DDX19A: variants seen among roughly 807,000 people sequenced by gnomAD.
DDX19A encodes the protein DEAD-box helicase 19A.
In DDX19A, 12 loss-of-function variants were observed where a neutral mutation model predicts 60.6. That is an observed-to-expected ratio of 0.20 (90% CI 0.13 to 0.32). The LOEUF is 0.32. Among genes scored for constraint, DDX19A ranks in the 10% least tolerant of loss-of-function variants. The pLI, the probability that DDX19A is intolerant of heterozygous loss-of-function variation, is 1.00. For synonymous variants in DDX19A, 206 were observed against 218.2 expected (o/e 0.94, Z 0.49); for missense variants, 337 against 600.6 (o/e 0.56, Z 4.59).
chr16:70,365,231 T>C (rs912680010), intron 7 of DDX19A, 100 bp downstream of exon 7: 2 of 756,900 alleles, frequency 2.6e-6, no homozygotes, highest in Non-Finnish European at 4.6e-6. Context: ...TAATTCAGTC[T>C]GACCCTGGAG....
chr16:70,364,272 G>T (rs1425831183), intron 5 of DDX19A: 3 of 372,624 alleles, frequency 8.1e-6, no homozygotes, highest in African/African-American at 2.1e-5. Flanking sequence ...GCCCCTTGGG[G>T]TGCAAAACTG....
chr16:70,348,949 AAG>A (rs1242494661), intron 1 of DDX19A, among the ~76,000 whole-genome samples: 1 of 152,238 alleles, frequency 6.6e-6, no homozygotes, highest in Admixed American at 6.5e-5. Context: ...GTTTCAAAAA[AAG>A]AAAAAAGGGA....
intron 4 of DDX19A, chr16:70,357,007 G>C: frequency 2.2e-6 from 1 of 448,590 alleles, no homozygotes; most frequent in Non-Finnish European, 3.5e-6. Flanking sequence ...CCAGCACTTT[G>C]GGAGGCCAAG....
At chr16:70,350,954 T>A (rs1963994469) in intron 2 of DDX19A, among the ~76,000 whole-genome samples, 1 of 151,566 alleles carries the variant, frequency 6.6e-6, no homozygotes, top group Non-Finnish European at 1.5e-5. Flanking sequence ...CTTGGCTCAC[T>A]GCAAGCTCTG....
rs546594213 is a variant in DDX19A at position 70,372,400 on chromosome 16, A to C, written c.*414A>C. The C allele has an allele frequency of 3.3e-5, 8 of 241,562 alleles. No individual in the cohort carries two copies. In the East Asian group the frequency reaches 7.8e-4, roughly 24 times the overall value. The allele number at this position is 241,562 out of a possible 1,614,324, so 15.0% of individuals were successfully genotyped here. A position where few individuals can be genotyped will look rare whatever the true frequency, so the allele number is the denominator to read the frequency against. On this transcript the variant is annotated 3_prime_UTR_variant, in exon 12 of 12. Coordinates refer to ENST00000302243, the MANE Select transcript of DDX19A (RefSeq NM_018332.5). ...GTGTGAGCCCCACCGCTGTGCATCG[A>C]ATGAGGGAAGTGGCAGCAGAGAGGC...
Position 70,347,006 on chromosome 16 carries a change from G to T in DDX19A, c.15G>T (p.Ser5=). MATD[S]WALAVDEQEA... Reference sequence around the variant, plus strand: ...TGTCCGGGACTATGGCCACCGACTCGTGGGCCCTGGCGGTGGACGAGCAGG... The same window carrying T: ...TGTCCGGGACTATGGCCACCGACTCTTGGGCCCTGGCGGTGGACGAGCAGG... The change falls in exon 1 of 12, where the codon TCG becomes TCT. Residue 5 remains serine, a synonymous_variant. Transcript: ENST00000302243. 11 of 1,612,764 alleles carry T rather than the reference G, an allele frequency of 6.8e-6. No individual in the cohort carries two copies. Among genetic ancestry groups the T allele is most frequent in the Non-Finnish European group, 8.5e-6 (10 of 1,179,808 alleles).
At chr16:70,358,268 C>T (rs1042304277) in intron 4 of DDX19A, among the ~76,000 whole-genome samples, 10 of 151,968 alleles carry the variant, frequency 6.6e-5, no homozygotes, top group Non-Finnish European at 1.3e-4. Flanking sequence ...TGGCCTCAAG[C>T]GATCTGCCCG....
At chr16:70,362,483 C>T (rs989141399) in intron 5 of DDX19A, among the ~76,000 whole-genome samples, 2 of 152,114 alleles carry the variant, frequency 1.3e-5, no homozygotes, top group Admixed American at 1.3e-4. Flanking sequence ...ACCAAGAACA[C>T]CTCTGTAGCC....
intron 2 of DDX19A, among the ~76,000 whole-genome samples, chr16:70,351,044 T>G (rs1963997713): frequency 6.9e-6 from 1 of 145,006 alleles, no homozygotes; most frequent in East Asian, 2.0e-4. Context: ...ACGCGCTAGT[T>G]TTTTTTTTTT....
In DDX19A at chr16:70,372,337, G is replaced by C; in HGVS notation, c.*351G>C. The C allele has an allele frequency of 2.6e-6, 1 of 390,332 alleles. No individual in the cohort carries two copies. The highest frequency in any genetic ancestry group is 4.8e-6 in the Non-Finnish European group (1 of 210,012). 24.2% of individuals were successfully genotyped at this position (390,332 alleles called of 1,614,324 possible). On this transcript the variant is annotated 3_prime_UTR_variant, in exon 12 of 12. Coordinates refer to ENST00000302243, the MANE Select transcript of DDX19A (RefSeq NM_018332.5). ...AGCTCCAGCCCCTGAAGAAACGATA[G>C]ATGTGCAGGTTGTGCGGAAGAGGCT...
At chr16:70,348,942 T>C (rs924492580) in intron 1 of DDX19A, among the ~76,000 whole-genome samples, 4 of 151,838 alleles carry the variant, frequency 2.6e-5, no homozygotes, top group African/African-American at 9.7e-5. Flanking sequence ...AGACCCTGTT[T>C]CAAAAAAAGA....
chr16:70,351,912 A>G (rs893833479), intron 2 of DDX19A, among the ~76,000 whole-genome samples: 1 of 152,064 alleles, frequency 6.6e-6, no homozygotes, highest in Non-Finnish European at 1.5e-5. Context: ...CTGGGTTCAA[A>G]ACTCAGAAAG....
At position 70,371,956 on chromosome 16, in the gene DDX19A, T is replaced by C. The variant is rs2047277454; in HGVS notation, c.1407T>C (p.Asp469=). The change falls in exon 12 of 12, where the codon GAT becomes GAC. Residue 469 remains aspartate (D), a synonymous_variant. Coordinates refer to ENST00000302243, the MANE Select transcript of DDX19A (RefSeq NM_018332.5). ...AGATAGAAAGATTGGACACAGATGA[T>C]TTGGACGAGATTGAGAAAATAGCCA... ...NKKIERLDTD[D]LDEIEKIAN 6.2e-7 allele frequency: 1 copy of C among 1,613,832 alleles called. No individual in the cohort carries two copies. Among genetic ancestry groups the C allele is most frequent in the African/African-American group, 1.3e-5 (1 of 74,914 alleles).
chr16:70,366,915 A>C, intron 9 of DDX19A, 54 bp downstream of exon 9: 1 of 1,605,384 alleles, frequency 6.2e-7, no homozygotes, highest in Non-Finnish European at 8.5e-7. Flanking sequence ...CCAGCTCCCC[A>C]CAGGGCTCAG....
chr16:70,361,584 G>T, intron 5 of DDX19A, 74 bp downstream of exon 5: 1 of 1,231,498 alleles, frequency 8.1e-7, no homozygotes, highest in African/African-American at 1.5e-5. Flanking sequence ...TTTTGTGCCT[G>T]AGAACAGAAG....
At chr16:70,349,523 C>G (rs1963948498) in intron 1 of DDX19A, among the ~76,000 whole-genome samples, 1 of 152,210 alleles carries the variant, frequency 6.6e-6, no homozygotes, top group Non-Finnish European at 1.5e-5. Context: ...TGCAAATAGG[C>G]TTTCCTAAGG....
In DDX19A at chr16:70,346,921, C is replaced by T. The variant is rs747643245; in HGVS notation, c.-71C>T. The T allele has an allele frequency of 2.7e-6, 4 of 1,496,278 alleles. No homozygotes were observed. Among genetic ancestry groups the T allele is most frequent in the Non-Finnish European group, 2.7e-6 (3 of 1,096,488 alleles). The allele number at this position is 1,496,278 out of a possible 1,614,324, so 92.7% of individuals were successfully genotyped here. On this transcript the variant is annotated 5_prime_UTR_variant, in exon 1 of 12. Transcript: ENST00000302243. ...GTGAGGTGCATTCTCGCGCCGGTGG[C>T]GAGGTTAGGGCCCGCGTTGCGACGT... is the stretch of plus-strand genomic sequence containing the variant.
intron 2 of DDX19A, among the ~76,000 whole-genome samples, 163 bp downstream of exon 2, chr16:70,350,768 T>G (rs1377933824): frequency 7.1e-6 from 1 of 141,546 alleles, no homozygotes; most frequent in Non-Finnish European, 1.6e-5. Flanking sequence ...ATTTTCCACA[T>G]TTTATCCTTT....
chr16:70,362,208 T>C (rs1195512531), intron 5 of DDX19A, among the ~76,000 whole-genome samples: 7 of 149,262 alleles, frequency 4.7e-5, no homozygotes, highest in Non-Finnish European at 1.0e-4. Flanking sequence ...ATACAACAAT[T>C]AGCCTGGCAT....
Sources: gnomAD v4.1 joint callset for allele counts (sites outside exome capture counted in the v4.1 genomes callset) on GRCh38, gnomAD v4.1.1 for gene constraint, MANE v1.5 for transcripts, NCBI Gene and HGNC (gene_info 2026-07-23, HGNC 2026-07-21) for gene names.